The following C2orf69 variants were observed in gnomAD, a reference collection of about 807,000 sequenced individuals.
The protein encoded by C2orf69 is mitochondrial protein C2orf69.
In C2orf69, 19 loss-of-function variants were observed where a neutral mutation model predicts 29.5. The observed-to-expected ratio is 0.65, with a 90% CI of 0.45 to 0.95. The LOEUF (loss-of-function observed/expected upper bound fraction) is 0.95, where lower values mean the gene tolerates loss of function less well. C2orf69 is among the 40% of genes least tolerant of loss of function. C2orf69 has a pLI of 0.00. For synonymous variants in C2orf69, 194 were observed against 180.0 expected (o/e 1.08, Z -0.62); for missense variants, 416 against 482.1 (o/e 0.86, Z 1.28).
chr2:199,916,993 C>T (rs916791824), intron 1 of C2orf69, among the ~76,000 whole-genome samples: 6 of 152,232 alleles, frequency 3.9e-5, no homozygotes, highest in African/African-American at 1.4e-4. Flanking sequence ...TCTGCCTGGA[C>T]ATCCAGGTGT....
At position 199,926,071 on chromosome 2, in the gene C2orf69, T is replaced by A. The variant is rs940971678; in HGVS notation, c.*185T>A. 8 of 541,752 alleles carry A rather than the reference T, an allele frequency of 1.5e-5. No homozygotes were observed. The highest frequency in any genetic ancestry group is 8.6e-5 in the South Asian group (3 of 34,712). The allele number at this position is 541,752 out of a possible 1,614,324, so 33.6% of individuals were successfully genotyped here. A position where few individuals can be genotyped will look rare whatever the true frequency, so the allele number is the denominator to read the frequency against. The stretch of plus-strand genomic sequence containing the variant: ...TTTTTTGCTTGTGAATGTGAGCAGT[T>A]ATTAATTTGGATTGAGTTAGAATTA... On this transcript the variant is annotated 3_prime_UTR_variant, in exon 2 of 2. Coordinates refer to ENST00000319974, the MANE Select transcript of C2orf69 (RefSeq NM_153689.6).
At position 199,911,513 on chromosome 2, in the gene C2orf69, G is replaced by C. The variant is rs1182807066; in HGVS notation, c.75G>C (p.Ser25=). The change falls in exon 1 of 2, where the codon TCG becomes TCC. Residue 25 remains serine (S), a synonymous_variant. Coordinates refer to ENST00000319974, the MANE Select transcript of C2orf69 (RefSeq NM_153689.6). The part of the protein sequence containing the change: ...LLPQLGIGNA[S]SCSQARTMNP... ...CGCAGCTCGGAATCGGAAACGCCTC[G>C]TCCTGCTCTCAGGCCAGAACCATGA... 6.5e-7 allele frequency: 1 copy of C among 1,549,344 alleles called. No individual in the cohort carries two copies. Among genetic ancestry groups the C allele is most frequent in the African/African-American group, 1.4e-5 (1 of 73,084 alleles).
intron 1 of C2orf69, 101 bp from the exon 2 acceptor site, chr2:199,924,961 T>C: frequency 1.4e-6 from 1 of 708,196 alleles, no homozygotes; most frequent in East Asian, 2.7e-5. Flanking sequence ...CATAGGTCAT[T>C]GTAACATCCC....
Position 199,911,661 on chromosome 2 carries a change from G to A in C2orf69, c.223G>A (p.Ala75Thr). 5 of 1,548,606 alleles carry A rather than the reference G, an allele frequency of 3.2e-6. No homozygotes were observed. Among genetic ancestry groups the A allele is most frequent in the Non-Finnish European group, 4.4e-6 (5 of 1,146,644 alleles). The change falls in exon 1 of 2, where the codon GCG becomes ACG. Residue 75 changes from alanine to threonine, a missense_variant. Around this residue, in one of 4 missense-constraint regions of C2orf69, gnomAD observed 175 missense variants for 139.9 expected, o/e 1.25. Transcript: ENST00000319974. Reference protein sequence around the residue: ...PQRSNELLLLAAAGEGLERQD... With the variant: ...PQRSNELLLLTAAGEGLERQD... Reference sequence around the variant, plus strand: ...GCGCAGCAACGAATTGCTCCTGTTGGCGGCGGCCGGGGAGGGACTGGAGCG... The same window carrying A: ...GCGCAGCAACGAATTGCTCCTGTTGACGGCGGCCGGGGAGGGACTGGAGCG...
rs2077255898 is a variant in C2orf69, at chr2:199,911,366, G to C, written c.-73G>C. 1 of 1,371,390 alleles carries C rather than the reference G, an allele frequency of 7.3e-7. No individual in the cohort carries two copies. The highest frequency in any genetic ancestry group is 9.4e-7 in the Non-Finnish European group (1 of 1,067,946). The allele number at this position is 1,371,390 out of a possible 1,614,324, so 85.0% of individuals were successfully genotyped here. On this transcript the variant is annotated 5_prime_UTR_variant, in exon 1 of 2. Coordinates refer to ENST00000319974, the MANE Select transcript of C2orf69 (RefSeq NM_153689.6). ...CGACCGTTGAGCCGCCGGCTGAGCCGCCTGCTGAAGTCCCTCCCTCAGGAA... is the reference window on the plus strand; with the variant it reads ...CGACCGTTGAGCCGCCGGCTGAGCCCCCTGCTGAAGTCCCTCCCTCAGGAA...
intron 1 of C2orf69, among the ~76,000 whole-genome samples, chr2:199,924,552 G>A (rs2077328805): frequency 6.6e-6 from 1 of 152,130 alleles, no homozygotes; most frequent in Non-Finnish European, 1.5e-5. Context: ...TTTCTATAAT[G>A]TTTATTGCAG....
chr2:199,916,979 A>G (rs925574271), intron 1 of C2orf69, among the ~76,000 whole-genome samples: 17 of 152,208 alleles, frequency 1.1e-4, no homozygotes, highest in Non-Finnish European at 4.4e-5. Context: ...CCTAGCAGCA[A>G]ACTTCTGCCT....
At chr2:199,912,066 C>T (rs992405608) in intron 1 of C2orf69, among the ~76,000 whole-genome samples, 1 of 152,166 alleles carries the variant, frequency 6.6e-6, no homozygotes, top group Non-Finnish European at 1.5e-5. Flanking sequence ...GGGAGTGACA[C>T]GCATCTTGTA....
intron 1 of C2orf69, among the ~76,000 whole-genome samples, chr2:199,918,334 C>T (rs1035138077): frequency 1.3e-5 from 2 of 151,584 alleles, no homozygotes; most frequent in Non-Finnish European, 1.5e-5. Flanking sequence ...TATATGTATC[C>T]CCTTTATTTT....
At chr2:199,920,685 G>A (rs192061275) in intron 1 of C2orf69, among the ~76,000 whole-genome samples, 3 of 152,006 alleles carry the variant, frequency 2.0e-5, no homozygotes, top group Admixed American at 2.0e-4. Context: ...GGCCAGGCGC[G>A]GTGGCTCATG....
chr2:199,912,178 A>G (rs750674351), intron 1 of C2orf69, among the ~76,000 whole-genome samples: 9 of 152,180 alleles, frequency 5.9e-5, no homozygotes, highest in Non-Finnish European at 1.3e-4. Context: ...TGTTTAGAAA[A>G]CGGTGGCAGT....
Position 199,927,994 on chromosome 2 carries a change from A to G in C2orf69, c.*2108A>G, listed in dbSNP as rs2077342285. The G allele has an allele frequency of 6.6e-6, 1 of 152,504 alleles. No individual in the cohort carries two copies. The highest frequency in any genetic ancestry group is 2.4e-5 in the African/African-American group (1 of 41,458). 9.4% of individuals were successfully genotyped at this position (152,504 alleles called of 1,614,324 possible). On this transcript the variant is annotated 3_prime_UTR_variant, in exon 2 of 2. Coordinates refer to ENST00000319974, the MANE Select transcript of C2orf69 (RefSeq NM_153689.6). Reference sequence around the variant, plus strand: ...GGGTATTAAGAGTAAGTCACCAGGTACACAAAACTGCCATCATAGCAAAAT... The same window carrying G: ...GGGTATTAAGAGTAAGTCACCAGGTGCACAAAACTGCCATCATAGCAAAAT...
intron 1 of C2orf69, among the ~76,000 whole-genome samples, chr2:199,912,024 G>A (rs1322247130): frequency 6.6e-6 from 1 of 152,168 alleles, no homozygotes; most frequent in South Asian, 2.1e-4. Flanking sequence ...CCAGCTGTCG[G>A]TCCAGGTTTC....
chr2:199,919,243 C>G (rs1384333204), intron 1 of C2orf69, among the ~76,000 whole-genome samples: 1 of 152,250 alleles, frequency 6.6e-6, no homozygotes, highest in African/African-American at 2.4e-5. Context: ...GCGTGAGCCA[C>G]TGTGCCCAGC....
chr2:199,917,200 AGCGAGG>A (rs1004554331), intron 1 of C2orf69, among the ~76,000 whole-genome samples: 3 of 152,200 alleles, frequency 2.0e-5, no homozygotes, highest in Admixed American at 6.5e-5. Context: ...TGCACAAAGC[AGCGAGG>A]GCCTGGGCCC....
chr2:199,925,036 C>G lies in C2orf69; in HGVS notation c.334-26C>G. The G allele has an allele frequency of 7.5e-7, 1 of 1,335,954 alleles. No individual in the cohort carries two copies. The highest frequency in any genetic ancestry group is 1.1e-6 in the Non-Finnish European group (1 of 949,910). The allele number at this position is 1,335,954 out of a possible 1,614,324, so 82.8% of individuals were successfully genotyped here. Reference sequence around the variant, plus strand: ...ATTTTATGTAAATATGTATTTAATACTTATTTCATCTTTCTTACCTTTCAG... The same window carrying G: ...ATTTTATGTAAATATGTATTTAATAGTTATTTCATCTTTCTTACCTTTCAG... On this transcript the variant is annotated intron_variant, in intron 1 of 1. Coordinates refer to ENST00000319974, the MANE Select transcript of C2orf69 (RefSeq NM_153689.6). This position sits in a 1 kb window ranked among gnomAD's most constrained non-coding sequence, Gnocchi z 4.9.
intron 1 of C2orf69, among the ~76,000 whole-genome samples, chr2:199,912,575 A>G (rs917319087): frequency 3.3e-5 from 5 of 152,246 alleles, no homozygotes; most frequent in Non-Finnish European, 7.3e-5. Flanking sequence ...TAGCATTATC[A>G]TAGAAAATAA....
intron 1 of C2orf69, among the ~76,000 whole-genome samples, chr2:199,921,031 G>T (rs2077313988): frequency 7.7e-6 from 1 of 129,232 alleles, no homozygotes; most frequent in South Asian, 2.7e-4. Context: ...TTTTGAGGTG[G>T]AGTCTTGCTC....
At chr2:199,915,691 A>G (rs1269928887) in intron 1 of C2orf69, among the ~76,000 whole-genome samples, 1 of 150,712 alleles carries the variant, frequency 6.6e-6, no homozygotes, top group African/African-American at 2.4e-5. Flanking sequence ...TTTTTTTTGT[A>G]TTTTTAGTAG....
Sources: allele counts gnomAD v4.1 joint callset (sites outside exome capture counted in the v4.1 genomes callset), GRCh38; gene constraint gnomAD v4.1.1; regional missense constraint gnomAD v4.1.1; non-coding constraint Gnocchi (gnomAD v3.1); transcripts MANE v1.5; gene names NCBI Gene and HGNC (gene_info 2026-07-23, HGNC 2026-07-21).